Variants in CDYL observed in about 807,000 individuals in gnomAD.
CDYL encodes chromodomain Y-like protein.
In CDYL, 8 loss-of-function variants were observed where a neutral mutation model predicts 47.3. The observed-to-expected ratio is 0.17, with a 90% CI of 0.10 to 0.31. The LOEUF (loss-of-function observed/expected upper bound fraction) is 0.31, where lower values mean the gene tolerates loss of function less well. Ranked by LOEUF, CDYL falls within the 10% of genes least tolerant of loss-of-function variation. The pLI is 1.00. For missense variants in CDYL, 471 were observed against 701.4 expected (o/e 0.67, Z 3.71); for synonymous variants, 266 against 265.0 (o/e 1.00, Z -0.04).
At chr6:4,943,786 A>AAT in intron 5 of CDYL, 30 bp downstream of exon 5, 1 of 1,478,768 alleles carries the variant, frequency 6.8e-7, no homozygotes, top group Non-Finnish European at 9.2e-7. Context: ...AAAAAAAAAA[A>AAT]AGTCATTCTA....
At chr6:4,710,325 A>G (rs992750637) in intron 1 of CDYL, among the ~76,000 whole-genome samples, 9 of 139,704 alleles carry the variant, frequency 6.4e-5, no homozygotes, top group African/African-American at 2.3e-4. Context: ...GAATAAAAGG[A>G]AAGAAAGGAG....
intron 1 of CDYL, among the ~76,000 whole-genome samples, chr6:4,818,539 T>G (rs139392086): frequency 2.6e-5 from 4 of 152,294 alleles, no homozygotes; most frequent in Non-Finnish European, 5.9e-5. Flanking sequence ...AGATTGGAGA[T>G]GTATTCATTA....
chr6:4,925,113 T>G (rs1757828463), intron 2 of CDYL, among the ~76,000 whole-genome samples: 1 of 152,104 alleles, frequency 6.6e-6, no homozygotes, highest in African/African-American at 2.4e-5. Context: ...GAGTGTGTTT[T>G]GTGTGTGTTT....
At chr6:4,744,810 C>T (rs1757860293) in intron 3 of CDYL, among the ~76,000 whole-genome samples, 1 of 152,110 alleles carries the variant, frequency 6.6e-6, no homozygotes, top group African/African-American at 2.4e-5. Flanking sequence ...AATCTCTTAA[C>T]CTCTATGGTA....
intron 1 of CDYL, among the ~76,000 whole-genome samples, chr6:4,795,701 C>G (rs1006746783): frequency 1.7e-4 from 26 of 148,628 alleles, no homozygotes; most frequent in African/African-American, 6.0e-4. Context: ...AGAGGTATTT[C>G]TTTTCTCTTT....
intron 2 of CDYL, among the ~76,000 whole-genome samples, chr6:4,933,718 A>T (rs116467122): frequency 0.021 from 3,232 of 152,274 alleles, 111 homozygotes; most frequent in African/African-American, 0.073. Flanking sequence ...ACCTTTGCTG[A>T]CTGGTAACAT....
intron 2 of CDYL, among the ~76,000 whole-genome samples, chr6:4,898,972 C>G (rs978777379): frequency 2.0e-5 from 3 of 152,164 alleles, no homozygotes; most frequent in African/African-American, 7.2e-5. Flanking sequence ...CGTAATGTAT[C>G]ACTTACTGTT....
intron 1 of CDYL, among the ~76,000 whole-genome samples, chr6:4,850,435 G>C (rs1760789635): frequency 6.6e-6 from 1 of 152,154 alleles, no homozygotes. Flanking sequence ...AATTTTAATA[G>C]AGCTTGTGGT....
intron 5 of CDYL, among the ~76,000 whole-genome samples, chr6:4,944,099 A>T (rs754377009): frequency 2.3e-4 from 35 of 152,356 alleles, no homozygotes; most frequent in Middle Eastern, 3.4e-3. Flanking sequence ...TTTAAGAGGG[A>T]GCAAAGTTAC....
At chr6:4,864,130 C>T (rs1761253861) in intron 1 of CDYL, among the ~76,000 whole-genome samples, 1 of 152,112 alleles carries the variant, frequency 6.6e-6, no homozygotes, top group African/African-American at 2.4e-5. Flanking sequence ...AACTGCCAAC[C>T]TAGAATACTT....
intron 1 of CDYL, among the ~76,000 whole-genome samples, chr6:4,829,550 G>T (rs1391129412): frequency 6.6e-6 from 1 of 152,176 alleles, no homozygotes; most frequent in Non-Finnish European, 1.5e-5. Context: ...CTGGGCTTGT[G>T]CATGGCTGTC....
Position 4,785,898 on chromosome 6 carries a change from A to T in CDYL, c.24+9091A>T, listed in dbSNP as rs143345853. Among the ~76,000 whole-genome samples the T allele has an allele frequency of 3.1e-4, 47 of 152,324 alleles. 2 individuals carry two copies. The highest frequency in any genetic ancestry group is 2.1e-3 in the East Asian group (11 of 5,192). On this transcript the variant is annotated intron_variant, in intron 1 of 6. Transcript: ENST00000397588. Reference sequence around the variant, plus strand: ...GCTGAAGAGGGTAGCTGGTGATGGCACTCCAAGTCTTGAGGTGACAGGCTC... The same window carrying T: ...GCTGAAGAGGGTAGCTGGTGATGGCTCTCCAAGTCTTGAGGTGACAGGCTC...
chr6:4,842,461 G>A (rs115937497), intron 1 of CDYL, among the ~76,000 whole-genome samples: 3,395 of 151,756 alleles, frequency 0.022, 127 homozygotes, highest in African/African-American at 0.077. Flanking sequence ...TGTTAGGTGC[G>A]TATATATTTA....
chr6:4,708,833 A>G (rs10458177), intron 1 of CDYL, among the ~76,000 whole-genome samples: 4,558 of 152,212 alleles, frequency 0.03, 83 homozygotes, highest in Non-Finnish European at 0.049. Flanking sequence ...AGCCCGGCCA[A>G]CATGGCAAAA....
At chr6:4,870,877 T>C (rs1761454019) in intron 1 of CDYL, among the ~76,000 whole-genome samples, 1 of 152,228 alleles carries the variant, frequency 6.6e-6, no homozygotes, top group Non-Finnish European at 1.5e-5. Flanking sequence ...TGAGTCATTG[T>C]CGTCATGTTT....
Position 4,900,482 on chromosome 6 carries a change from C to G in CDYL, c.691+8103C>G, listed in dbSNP as rs941115557. ...TATGCATATACATTTTTTTCCTATT[C>G]GAGGATACATTTTACACTATTTGAG... On this transcript the variant is annotated intron_variant, in intron 2 of 6. Coordinates refer to ENST00000397588, the MANE Select transcript of CDYL (RefSeq NM_004824.4). Among the ~76,000 whole-genome samples, 3 of 151,584 alleles carry G rather than the reference C, an allele frequency of 2.0e-5. No homozygotes were observed. The South Asian group carries it at 6.2e-4, about 32-fold the overall frequency.
intron 3 of CDYL, among the ~76,000 whole-genome samples, chr6:4,746,790 G>T (rs1242379898): frequency 6.6e-6 from 1 of 152,084 alleles, no homozygotes; most frequent in Non-Finnish European, 1.5e-5. Flanking sequence ...ATGGGAGCCA[G>T]GGGAAGGATG....
chr6:4,797,063 G>A (rs1385790091), intron 1 of CDYL, among the ~76,000 whole-genome samples: 2 of 152,130 alleles, frequency 1.3e-5, no homozygotes, highest in African/African-American at 4.8e-5. Flanking sequence ...CCTGGAATGT[G>A]ACAAGGATAT....
intron 2 of CDYL, among the ~76,000 whole-genome samples, chr6:4,911,367 C>T (rs985694448): frequency 6.6e-6 from 1 of 152,228 alleles, no homozygotes; most frequent in Non-Finnish European, 1.5e-5. Context: ...ATCCACAGTG[C>T]TCTCACACAT....
Sources: gnomAD v4.1 joint callset for allele counts (sites outside exome capture counted in the v4.1 genomes callset) on GRCh38, gnomAD v4.1.1 for gene constraint, MANE v1.5 for transcripts, NCBI Gene and HGNC (gene_info 2026-07-23, HGNC 2026-07-21) for gene names.